The following GTPBP1 variants were observed in gnomAD, a reference collection of about 807,000 sequenced individuals.
GTPBP1 encodes the protein GTP binding protein 1, also known as GTP-binding protein 1.
Under a neutral mutation model 62.0 loss-of-function variants are expected in GTPBP1, and 23 were observed. The ratio of observed to expected loss-of-function variants is 0.37; its 90% confidence interval spans 0.27 to 0.53. The LOEUF (loss-of-function observed/expected upper bound fraction) is 0.53, where lower values mean the gene tolerates loss of function less well. Among genes scored for constraint, GTPBP1 ranks in the 20% least tolerant of loss-of-function variants. The pLI, the probability that GTPBP1 is intolerant of heterozygous loss-of-function variation, is 0.89. For missense variants in GTPBP1, 640 were observed against 917.3 expected, an observed-to-expected ratio of 0.70 and a Z score of 3.90; for synonymous variants, 344 against 364.4, an observed-to-expected ratio of 0.94 and a Z score of 0.64.
In GTPBP1 at chr22:38,726,321, C is replaced by T; in HGVS notation, c.1282C>T (p.Leu428=). ...RGLIKLNDTL[L]LGPDPLGNFL... ...CCTGATCAAGCTGAATGACACGCTG[C>T]TGCTGGGCCCAGACCCCTTGGGTAA... Residue 428 remains leucine, a synonymous_variant, in exon 8 of 12, where the codon CTG becomes TTG. Coordinates refer to ENST00000216044, the MANE Select transcript of GTPBP1 (RefSeq NM_004286.5). The surrounding 1 kb of genome is among the most constrained non-coding windows in gnomAD (Gnocchi z 4.1). 1 of 1,614,088 alleles carries T rather than the reference C, an allele frequency of 6.2e-7. No homozygotes were observed.
At chr22:38,720,989 A>G (rs1405228065) in intron 4 of GTPBP1, among the ~76,000 whole-genome samples, 2 of 152,162 alleles carry the variant, frequency 1.3e-5, no homozygotes, top group Non-Finnish European at 2.9e-5. Context: ...CACTGCAGCC[A>G]CAACCTCCCA....
intron 4 of GTPBP1, among the ~76,000 whole-genome samples, chr22:38,719,360 T>C (rs2092687482): frequency 6.6e-6 from 1 of 151,940 alleles, no homozygotes; most frequent in Admixed American, 6.6e-5. Context: ...CAGGCTAGAG[T>C]GCGGTGGTGC....
rs748693877 is a variant in GTPBP1, at chr22:38,716,621, C to T, written c.486-31C>T. ...TCCACCTCACTCATTCACTAACTCT[C>T]ACATAGATGTATGGGTTCATCTACA... On this transcript the variant is annotated intron_variant, in intron 3 of 11. Coordinates refer to ENST00000216044, the MANE Select transcript of GTPBP1 (RefSeq NM_004286.5). This position sits in a 1 kb window ranked among gnomAD's most constrained non-coding sequence, Gnocchi z 5.2. 2.0e-6 allele frequency: 3 copies of T among 1,504,414 alleles called. No individual in the cohort carries two copies. The South Asian group carries it at 3.5e-5, about 17-fold the overall frequency. The allele number at this position is 1,504,414 out of a possible 1,614,324, so 93.2% of individuals were successfully genotyped here. A position where few individuals can be genotyped will look rare whatever the true frequency, so the allele number is the denominator to read the frequency against.
At position 38,731,592 on chromosome 22, in the gene GTPBP1, C is replaced by T. The variant is rs1425998159; in HGVS notation, c.*888C>T. The T allele has an allele frequency of 6.5e-6, 1 of 152,742 alleles. No individual in the cohort carries two copies. Among genetic ancestry groups the T allele is most frequent in the Non-Finnish European group, 1.5e-5 (1 of 68,114 alleles). 9.5% of individuals were successfully genotyped at this position (152,742 alleles called of 1,614,324 possible). On this transcript the variant is annotated 3_prime_UTR_variant, in exon 12 of 12. Transcript: ENST00000216044. ...ATCTGCCCGGCCTGGAGCCTCCCAT[C>T]ACCCCGCTTCTTGTTGGGCCTCAGG...
downstream of GTPBP1, chr22:38,739,171 C>T (rs150931492): frequency 8.3e-4 from 741 of 893,746 alleles, 7 homozygotes; most frequent in East Asian, 0.012. This position sits in a 1 kb window ranked among gnomAD's most constrained non-coding sequence, Gnocchi z 6.7. Context: ...GTACTCGGTA[C>T]GTCCTGACTT....
At chr22:38,722,649 C>T in intron 5 of GTPBP1, 1 of 1,491,866 alleles carries the variant, frequency 6.7e-7, no homozygotes. Flanking sequence ...TGGTTCCTTG[C>T]CTTCTACAGA....
At chr22:38,711,020 C>T (rs758276151) in intron 2 of GTPBP1, among the ~76,000 whole-genome samples, 1 of 152,174 alleles carries the variant, frequency 6.6e-6, no homozygotes, top group African/African-American at 2.4e-5. Flanking sequence ...CATAGTGACT[C>T]CTCCTGCTGG....
chr22:38,736,042 C>T (rs772028961), downstream of GTPBP1: 43 of 582,280 alleles, frequency 7.4e-5, no homozygotes, highest in Admixed American at 5.4e-4. Context: ...GGGAAGCAGA[C>T]GCCACGGGCA....
intron 4 of GTPBP1, among the ~76,000 whole-genome samples, chr22:38,720,766 G>C (rs995337073): frequency 6.6e-6 from 1 of 152,184 alleles, no homozygotes; most frequent in Non-Finnish European, 1.5e-5. Context: ...TAAACACCTA[G>C]TTCCTGCTAG....
intron 4 of GTPBP1, 85 bp downstream of exon 4, chr22:38,717,085 C>T (rs2092675050): frequency 1.2e-6 from 1 of 832,834 alleles, no homozygotes; most frequent in Admixed American, 2.2e-5. Context: ...TGTTCTGAGA[C>T]TGAGGCCTGT....
At chr22:38,720,661 C>T (rs1376728087) in intron 4 of GTPBP1, among the ~76,000 whole-genome samples, 1 of 152,172 alleles carries the variant, frequency 6.6e-6, no homozygotes, top group Non-Finnish European at 1.5e-5. Context: ...ATTTCATACA[C>T]GTGCCCTGAT....
rs914196959 is a variant in GTPBP1 at position 38,733,389 on chromosome 22, C to G, written c.*2685C>G. The G allele has an allele frequency of 6.6e-6, 1 of 152,308 alleles. No homozygotes were observed. The highest frequency in any genetic ancestry group is 6.5e-5 in the Admixed American group (1 of 15,288). The allele number at this position is 152,308 out of a possible 1,614,324, so 9.4% of individuals were successfully genotyped here. ...TCGGGCGACTGCCTTGGCCTCTGGC[C>G]GCACCCAGGAGGGTGGGGTTGGATC... On this transcript the variant is annotated 3_prime_UTR_variant, in exon 12 of 12. Coordinates refer to ENST00000216044, the MANE Select transcript of GTPBP1 (RefSeq NM_004286.5).
chr22:38,734,690 C>A (rs2092785683), downstream of GTPBP1: 1 of 186,006 alleles, frequency 5.4e-6, no homozygotes, highest in Non-Finnish European at 1.2e-5. Flanking sequence ...GAGCAGCTGC[C>A]CTAGGTGATA....
At chr22:38,736,677 AG>A (rs776888027), downstream of GTPBP1, 4 of 242,900 alleles carry the variant, frequency 1.6e-5, no homozygotes, top group Non-Finnish European at 3.2e-5. Flanking sequence ...AGGGCTTCAT[AG>A]ATGCTGATGT....
At chr22:38,741,798 T>G, downstream of GTPBP1, among the ~76,000 whole-genome samples, 1 of 151,600 alleles carries the variant, frequency 6.6e-6, no homozygotes. Context: ...ACTATGGGGG[T>G]GGGGGAGACA....
At chr22:38,739,906 A>T (rs751880061), downstream of GTPBP1, 52 of 1,612,710 alleles carry the variant, frequency 3.2e-5, no homozygotes, top group Middle Eastern at 3.3e-4. The surrounding 1 kb of genome is among the most constrained non-coding windows in gnomAD (Gnocchi z 6.7). Flanking sequence ...ACCTCGGGCA[A>T]GGAACTGACT....
downstream of GTPBP1, chr22:38,740,969 G>A: frequency 6.4e-7 from 1 of 1,571,012 alleles, no homozygotes; most frequent in African/African-American, 1.4e-5. This position sits in a 1 kb window ranked among gnomAD's most constrained non-coding sequence, Gnocchi z 4.8. Context: ...GTGGGGCTGG[G>A]GAGGAGCAGG....
downstream of GTPBP1, chr22:38,738,682 G>A (rs764461193): frequency 5.6e-6 from 9 of 1,613,718 alleles, no homozygotes; most frequent in East Asian, 2.2e-5. The surrounding 1 kb of genome is among the most constrained non-coding windows in gnomAD (Gnocchi z 6.6). Flanking sequence ...GGGCGGATGC[G>A]GGCAGAGAGG....
Position 38,730,736 on chromosome 22 carries a change from G to A in GTPBP1, c.*32G>A, listed in dbSNP as rs759611984. On this transcript the variant is annotated 3_prime_UTR_variant, in exon 12 of 12. Transcript: ENST00000216044. This position sits in a 1 kb window ranked among gnomAD's most constrained non-coding sequence, Gnocchi z 5.6. ...CCCTGGCCCACCCTCACCACCCAAG[G>A]GGTCATCATCTCTGGCCACCACTCC... 1 of 1,253,028 alleles carries A rather than the reference G, an allele frequency of 8.0e-7. No individual in the cohort carries two copies. The highest frequency in any genetic ancestry group is 1.1e-6 in the Non-Finnish European group (1 of 889,522). The allele number at this position is 1,253,028 out of a possible 1,614,324, so 77.6% of individuals were successfully genotyped here.
Sources: gnomAD v4.1 joint callset for allele counts (sites outside exome capture counted in the v4.1 genomes callset) on GRCh38, gnomAD v4.1.1 for gene constraint, Gnocchi (gnomAD v3.1) non-coding constraint, MANE v1.5 for transcripts, NCBI Gene and HGNC (gene_info 2026-07-23, HGNC 2026-07-21) for gene names.